ESRRB: variants seen among roughly 807,000 people sequenced by gnomAD.
ESRRB encodes steroid hormone receptor ERR2.
In ESRRB, 16 loss-of-function variants were observed where a neutral mutation model predicts 46.0. That is an observed-to-expected ratio of 0.35 (90% CI 0.24 to 0.53). The LOEUF is 0.53. Among genes scored for constraint, ESRRB ranks in the 20% least tolerant of loss-of-function variants. The probability of loss-of-function intolerance (pLI) is 0.93; values close to 1 mark genes in which losing one functional copy is unlikely to be tolerated. For missense variants in ESRRB, 488 were observed against 607.4 expected, an observed-to-expected ratio of 0.80 and a Z score of 2.07; for synonymous variants, 246 against 259.6, an observed-to-expected ratio of 0.95 and a Z score of 0.50.
chr14:76,398,649 G>T (rs77051930), intron 1 of ESRRB, among the ~76,000 whole-genome samples: 1 of 152,134 alleles, frequency 6.6e-6, no homozygotes, highest in African/African-American at 2.4e-5. Context: ...GGGGGCATAC[G>T]TATGGGGTAA....
chr14:76,324,844 T>G (rs1334788075), intron 1 of ESRRB, among the ~76,000 whole-genome samples: 1 of 152,158 alleles, frequency 6.6e-6, no homozygotes, highest in East Asian at 1.9e-4. Flanking sequence ...AGGAGCTCCC[T>G]ACAATTGCCT....
At chr14:76,405,080 G>A (rs1041806508) in intron 1 of ESRRB, among the ~76,000 whole-genome samples, 7 of 152,076 alleles carry the variant, frequency 4.6e-5, no homozygotes, top group Non-Finnish European at 7.4e-5. Flanking sequence ...GGATGGGCTC[G>A]CAGATTTTGT....
At chr14:76,493,279 C>T (rs1049978098) in intron 6 of ESRRB, among the ~76,000 whole-genome samples, 1 of 152,110 alleles carries the variant, frequency 6.6e-6, no homozygotes, top group Non-Finnish European at 1.5e-5. Flanking sequence ...CTCAGCCTTC[C>T]GAGTAGCTGG....
At chr14:76,413,096 G>A (rs1472674528) in intron 1 of ESRRB, among the ~76,000 whole-genome samples, 4 of 152,182 alleles carry the variant, frequency 2.6e-5, no homozygotes, top group Non-Finnish European at 4.4e-5. Context: ...AAAGTGAGCG[G>A]TGACCACCCT....
intron 1 of ESRRB, among the ~76,000 whole-genome samples, chr14:76,350,311 A>G (rs1467378329): frequency 6.6e-6 from 1 of 152,212 alleles, no homozygotes; most frequent in Non-Finnish European, 1.5e-5. Flanking sequence ...TCCTTTGATC[A>G]TAGAAAACAC....
At chr14:76,427,405 T>C (rs1887251905) in intron 1 of ESRRB, among the ~76,000 whole-genome samples, 1 of 151,996 alleles carries the variant, frequency 6.6e-6, no homozygotes, top group African/African-American at 2.4e-5. Flanking sequence ...AGACAGGCAA[T>C]GTATGTTGGG....
chr14:76,463,441 C>CTTTGTTTTTTTTTTTGGT (rs780901614), intron 3 of ESRRB: 1 of 110,418 alleles, frequency 9.1e-6, no homozygotes, highest in Non-Finnish European at 1.8e-5. Context: ...TCACATGCTT[C>CTTTGTTTTTTTTTTTGGT]TTTGTTTTTT....
chr14:76,495,210 C>CGAACTTCTGTTGGCATCAACA (rs1226222053), intron 6 of ESRRB, among the ~76,000 whole-genome samples: 2 of 152,098 alleles, frequency 1.3e-5, no homozygotes, highest in Non-Finnish European at 2.9e-5. Flanking sequence ...GAATCCATAT[C>CGAACTTCTGTTGGCATCAACA]GAACTTCTGT....
chr14:76,494,347 C>T (rs1352556995), intron 6 of ESRRB, among the ~76,000 whole-genome samples: 1 of 143,502 alleles, frequency 7.0e-6, no homozygotes, highest in Non-Finnish European at 1.5e-5. Context: ...GCTCTTGTTG[C>T]CCAGGCTGGA....
chr14:76,486,534 A>C (rs983642791), intron 5 of ESRRB, among the ~76,000 whole-genome samples: 4 of 150,606 alleles, frequency 2.7e-5, no homozygotes, highest in African/African-American at 9.8e-5. Flanking sequence ...CAGATTATGA[A>C]CTCCACTTGC....
intron 1 of ESRRB, among the ~76,000 whole-genome samples, chr14:76,415,061 G>A (rs972071014): frequency 7.9e-5 from 12 of 152,234 alleles, no homozygotes; most frequent in Non-Finnish European, 1.5e-4. Flanking sequence ...GCACTTCTCA[G>A]GGTGCTGTGG....
chr14:76,417,069 G>A (rs954641678), intron 1 of ESRRB, among the ~76,000 whole-genome samples: 8 of 152,108 alleles, frequency 5.3e-5, no homozygotes, highest in African/African-American at 1.2e-4. Flanking sequence ...CCCAGAAGGC[G>A]GAGGCTGCAG....
chr14:76,391,031 G>C lies in ESRRB; in HGVS notation c.50+14580G>C, dbSNP rs760799096. Among the ~76,000 whole-genome samples the C allele has an allele frequency of 2.1e-4, 32 of 152,216 alleles. 1 individual carries two copies. Among genetic ancestry groups the C allele is most frequent in the Non-Finnish European group, 1.6e-4 (11 of 68,030 alleles). On this transcript the variant is annotated intron_variant, in intron 1 of 6. Transcript: ENST00000644823. The stretch of plus-strand genomic sequence containing the variant: ...GCCCTCTCTGGAAATGCTGGGCTGT[G>C]CGGTCATGCCCATGAAAGCAAGGGC...
At chr14:76,424,198 C>T (rs574672424) in intron 1 of ESRRB, among the ~76,000 whole-genome samples, 12 of 152,182 alleles carry the variant, frequency 7.9e-5, no homozygotes, top group Non-Finnish European at 1.6e-4. Flanking sequence ...AGAGCAAGCC[C>T]TCCATATGTG....
intron 1 of ESRRB, among the ~76,000 whole-genome samples, chr14:76,330,099 A>G (rs933252257): frequency 6.6e-6 from 1 of 152,022 alleles, no homozygotes; most frequent in Non-Finnish European, 1.5e-5. Flanking sequence ...CTTGCCGGCC[A>G]GCAGGGAGCC....
Position 76,498,219 on chromosome 14 carries a change from A to G in ESRRB, c.1126A>G (p.Met376Val), listed in dbSNP as rs1566619480. ...GCTCGTCCTTGTGCCTGCAGATTCC[A>G]TGTACATCGAGGATCTAGAGGCTGT... ...KALALANSDSMYIEDLEAVQK... is the reference protein window; with the variant it reads ...KALALANSDSVYIEDLEAVQK... Residue 376 changes from methionine (M) to valine (V), a missense_variant, in exon 7 of 7, where the codon ATG becomes GTG. By Grantham distance (21) the Met-to-Val change is conservative. Transcript: ENST00000644823. 1.9e-6 allele frequency: 3 copies of G among 1,613,664 alleles called. No individual in the cohort carries two copies. The highest frequency in any genetic ancestry group is 3.3e-5 in the Admixed American group (2 of 60,022).
chr14:76,420,497 G>C (rs1886893239), intron 1 of ESRRB, among the ~76,000 whole-genome samples: 1 of 152,094 alleles, frequency 6.6e-6, no homozygotes, highest in African/African-American at 2.4e-5. Flanking sequence ...ACATTAATGG[G>C]AGAGTTGGGA....
chr14:76,410,663 T>C (rs1886396271), intron 1 of ESRRB, among the ~76,000 whole-genome samples: 1 of 152,230 alleles, frequency 6.6e-6, no homozygotes, highest in African/African-American at 2.4e-5. Context: ...TCCTGGGGTC[T>C]TTCTGTGAAA....
At chr14:76,413,445 G>A (rs892363960) in intron 1 of ESRRB, among the ~76,000 whole-genome samples, 2 of 152,116 alleles carry the variant, frequency 1.3e-5, no homozygotes, top group African/African-American at 4.8e-5. Flanking sequence ...TGCCCAGAAT[G>A]CCATTCCCCA....
Sources: gnomAD v4.1 joint callset for allele counts (sites outside exome capture counted in the v4.1 genomes callset) on GRCh38, gnomAD v4.1.1 for gene constraint, MANE v1.5 for transcripts, NCBI Gene and HGNC (gene_info 2026-07-23, HGNC 2026-07-21) for gene names.